Variants in PCDHGB3 observed in about 807,000 individuals in gnomAD.
PCDHGB3 encodes protocadherin gamma-B3.
Under a neutral mutation model 59.2 loss-of-function variants are expected in PCDHGB3, and 40 were observed. That is an observed-to-expected ratio of 0.68 (90% confidence interval 0.52 to 0.88). The LOEUF (loss-of-function observed/expected upper bound fraction) is 0.88. PCDHGB3 is among the 40% of genes least tolerant of loss of function. The probability of loss-of-function intolerance (pLI) is 0.00; values close to 1 mark genes in which losing one functional copy is unlikely to be tolerated. For missense variants in PCDHGB3, 1,309 were observed against 1,187.9 expected (o/e 1.10, Z -1.50); for synonymous variants, 581 against 503.6 (o/e 1.15, Z -2.06).
intron 1 of PCDHGB3, chr5:141,398,966 C>T: frequency 6.2e-7 from 1 of 1,613,962 alleles, no homozygotes; most frequent in Non-Finnish European, 8.5e-7. Flanking sequence ...ATTACTTATT[C>T]CTTCTACAGA....
chr5:141,467,554 T>A (rs2099145880), intron 1 of PCDHGB3, among the ~76,000 whole-genome samples: 1 of 152,238 alleles, frequency 6.6e-6, no homozygotes. Flanking sequence ...TATATCTTTT[T>A]TCCCAAATGG....
Position 141,415,384 on chromosome 5 carries a change from A to G in PCDHGB3, c.2415+42575A>G, listed in dbSNP as rs767664633. ...GCTGCAGGCTTCAGGAGGCGGCTTG[A>G]CAGGTGTGTCCGGCTCGCACTTTGT... On this transcript the variant is annotated intron_variant, in intron 1 of 3. Coordinates refer to ENST00000576222, the MANE Select transcript of PCDHGB3 (RefSeq NM_018924.5). 9.3e-6 allele frequency: 15 copies of G among 1,614,156 alleles called. No homozygotes were observed. The East Asian group carries it at 2.2e-4, about 24-fold the overall frequency.
intron 1 of PCDHGB3, among the ~76,000 whole-genome samples, chr5:141,425,078 G>A (rs1196415752): frequency 3.9e-5 from 6 of 152,112 alleles, no homozygotes; most frequent in Admixed American, 6.5e-5. Flanking sequence ...AATTTCAACT[G>A]TAGGAAAGGC....
rs1430260899 is a variant in PCDHGB3, at chr5:141,415,763, T to G, written c.2415+42954T>G. On this transcript the variant is annotated intron_variant, in intron 1 of 3. Transcript: ENST00000576222. ...AGGTTTTTTTTTTTTTTTTTTTTTT[T>G]TTTTTTTTTACTTTCTGGTAAAATT... is the stretch of plus-strand genomic sequence containing the variant. The G allele has an allele frequency of 1.1e-5, 15 of 1,398,354 alleles. No homozygotes were observed. The African/African-American group carries it at 2.1e-4, about 19-fold the overall frequency. 86.6% of individuals were successfully genotyped at this position (1,398,354 alleles called of 1,614,324 possible). A position where few individuals can be genotyped will look rare whatever the true frequency, so the allele number is the denominator to read the frequency against.
At chr5:141,415,762 T>G (rs1561760360) in intron 1 of PCDHGB3, 16 of 1,399,878 alleles carry the variant, frequency 1.1e-5, no homozygotes, top group East Asian at 5.3e-5. Flanking sequence ...TTTTTTTTTT[T>G]TTTTTTTTTT....
At chr5:141,420,064 C>T (rs1204112062) in intron 1 of PCDHGB3, 1 of 1,614,052 alleles carries the variant, frequency 6.2e-7, no homozygotes, top group Non-Finnish European at 8.5e-7. Context: ...GCTCCAAGTC[C>T]GGACCTGTGG....
intron 1 of PCDHGB3, chr5:141,404,785 C>T (rs1028323734): frequency 1.9e-6 from 3 of 1,613,330 alleles, no homozygotes; most frequent in Admixed American, 1.7e-5. Context: ...TATTCAAGGC[C>T]AGTGAGCCAG....
Position 141,476,387 on chromosome 5 carries a change from C to G in PCDHGB3, c.2416-18420C>G, listed in dbSNP as rs147660262. Reference sequence around the variant, plus strand: ...GACCGGAGAGATGTTTGTGAACGACCGTCTGGATCGAGAGGAGCTGTGTGG... The same window carrying G: ...GACCGGAGAGATGTTTGTGAACGACGGTCTGGATCGAGAGGAGCTGTGTGG... On this transcript the variant is annotated intron_variant, in intron 1 of 3. Coordinates refer to ENST00000576222, the MANE Select transcript of PCDHGB3 (RefSeq NM_018924.5). The surrounding 1 kb of genome is among the most constrained non-coding windows in gnomAD (Gnocchi z 7.6). 3.6e-4 allele frequency: 587 copies of G among 1,614,076 alleles called. No individual in the cohort carries two copies. The highest frequency in any genetic ancestry group is 4.7e-4 in the Non-Finnish European group (549 of 1,180,024).
At chr5:141,402,025 AAC>A (rs1265000731) in intron 1 of PCDHGB3, among the ~76,000 whole-genome samples, 9 of 152,192 alleles carry the variant, frequency 5.9e-5, no homozygotes, top group African/African-American at 1.7e-4. Flanking sequence ...GAATCATTGA[AAC>A]ACAGTCTGTG....
At chr5:141,442,158 A>T (rs966591795) in intron 1 of PCDHGB3, 1 of 157,594 alleles carries the variant, frequency 6.3e-6, no homozygotes, top group African/African-American at 2.4e-5. Context: ...CTCAGCGATC[A>T]CTCTGCAAAG....
chr5:141,477,258 C>A lies in PCDHGB3; in HGVS notation c.2416-17549C>A. ...TTGCTCAGTGTGACTGACCTGGATG[C>A]TGGCGAGAACGGGCTGGTGACCTGC... On this transcript the variant is annotated intron_variant, in intron 1 of 3. Coordinates refer to ENST00000576222, the MANE Select transcript of PCDHGB3 (RefSeq NM_018924.5). The surrounding 1 kb of genome is among the most constrained non-coding windows in gnomAD (Gnocchi z 4.9). 6.2e-7 allele frequency: 1 copy of A among 1,614,208 alleles called. No homozygotes were observed. Among genetic ancestry groups the A allele is most frequent in the Non-Finnish European group, 8.5e-7 (1 of 1,180,042 alleles).
At chr5:141,452,240 C>G (rs1365703172) in intron 1 of PCDHGB3, among the ~76,000 whole-genome samples, 1 of 152,084 alleles carries the variant, frequency 6.6e-6, no homozygotes, top group Non-Finnish European at 1.5e-5. Flanking sequence ...TTCTTGTGTC[C>G]TTTTGCCATA....
At chr5:141,441,127 G>A (rs1224106490) in intron 1 of PCDHGB3, 2 of 152,138 alleles carry the variant, frequency 1.3e-5, no homozygotes, top group African/African-American at 2.4e-5. Context: ...AGTTGAGACC[G>A]AATTTCTAGA....
At chr5:141,391,868 A>T (rs1269292273) in intron 1 of PCDHGB3, 1 of 152,190 alleles carries the variant, frequency 6.6e-6, no homozygotes, top group Non-Finnish European at 1.5e-5. Context: ...AAATTTAATC[A>T]TCTCTTTGGT....
intron 1 of PCDHGB3, chr5:141,423,728 T>C (rs1312071121): frequency 9.4e-6 from 10 of 1,067,510 alleles, no homozygotes; most frequent in Non-Finnish European, 1.1e-5. Context: ...AGATGTTTTT[T>C]GAGCCTGTTA....
chr5:141,420,028 A>C, intron 1 of PCDHGB3: 2 of 1,614,076 alleles, frequency 1.2e-6, no homozygotes, highest in Non-Finnish European at 1.7e-6. Flanking sequence ...GCCCTACTGC[A>C]GGAGACTGCT....
chr5:141,417,896 C>G, intron 1 of PCDHGB3: 1 of 1,576,868 alleles, frequency 6.3e-7, no homozygotes, highest in Non-Finnish European at 8.6e-7. Flanking sequence ...CCGGGCCGGC[C>G]CGCGGCAGGT....
intron 1 of PCDHGB3, among the ~76,000 whole-genome samples, chr5:141,402,017 A>G (rs1052839882): frequency 2.0e-5 from 3 of 152,210 alleles, no homozygotes; most frequent in African/African-American, 7.2e-5. Flanking sequence ...ATGCATTTGA[A>G]TCATTGAAAC....
intron 1 of PCDHGB3, chr5:141,433,247 G>A (rs1393219042): frequency 2.8e-6 from 4 of 1,447,840 alleles, no homozygotes; most frequent in Non-Finnish European, 3.8e-6. Context: ...AAGCTGGAAT[G>A]CAGCGGTACG....
Sources: gnomAD v4.1 joint callset for allele counts (sites outside exome capture counted in the v4.1 genomes callset) on GRCh38, gnomAD v4.1.1 for gene constraint, Gnocchi (gnomAD v3.1) non-coding constraint, MANE v1.5 for transcripts, NCBI Gene and HGNC (gene_info 2026-07-23, HGNC 2026-07-21) for gene names.